Variants in ANKS1A observed in about 807,000 individuals in gnomAD.
ANKS1A encodes ankyrin repeat and sterile alpha motif domain containing 1A.
Under a neutral mutation model 120.3 loss-of-function variants are expected in ANKS1A, and 55 were observed. That is an observed-to-expected ratio of 0.46 (90% CI 0.37 to 0.57). The LOEUF is 0.57. ANKS1A is among the 20% of genes least tolerant of loss of function. The probability of loss-of-function intolerance (pLI) is 0.00; values close to 1 mark genes in which losing one functional copy is unlikely to be tolerated. For synonymous variants in ANKS1A, 590 were observed against 604.7 expected (o/e 0.98, Z 0.36); for missense variants, 1,123 against 1,480.3 (o/e 0.76, Z 3.96).
chr6:35,010,878 T>C (rs1254697001), intron 10 of ANKS1A, among the ~76,000 whole-genome samples: 1 of 152,184 alleles, frequency 6.6e-6, no homozygotes, highest in Non-Finnish European at 1.5e-5. Flanking sequence ...GCAGGTGCTG[T>C]GGGTAAAGAT....
In ANKS1A at chr6:34,943,312, ACTT is replaced by A. The variant is rs540455183; in HGVS notation, c.198-23921_198-23919del. ...CAAAAAGTACAGAGAGTTCCCATATACTTCTTCTCTCTCCCACTCACACAGTTT... is the reference window on the plus strand; with the variant it reads ...CAAAAAGTACAGAGAGTTCCCATATACTTCTCTCTCCCACTCACACAGTTT... On this transcript the variant is annotated intron_variant, in intron 1 of 23. Transcript: ENST00000360359. Among the ~76,000 whole-genome samples, 55 of 152,152 alleles carry A rather than the reference ACTT, an allele frequency of 3.6e-4. 1 individual carries two copies. Among genetic ancestry groups the A allele is most frequent in the African/African-American group, 1.2e-3 (50 of 41,500 alleles).
chr6:34,981,752 G>A lies in ANKS1A; in HGVS notation c.498G>A (p.Lys166=). The A allele has an allele frequency of 2.5e-6, 4 of 1,614,156 alleles. No homozygotes were observed. Among genetic ancestry groups the A allele is most frequent in the Non-Finnish European group, 3.4e-6 (4 of 1,180,040 alleles). The part of the protein sequence containing the change: ...AAQYGHTEVV[K]VLLEELTDPT... ...AGTATGGCCACACAGAGGTGGTGAA[G>A]GTGCTCTTAGAGGAGCTGACGGACC... is the stretch of plus-strand genomic sequence containing the variant. The change falls in exon 4 of 24, where the codon AAG becomes AAA. Residue 166 remains lysine (K), a synonymous_variant. Transcript: ENST00000360359.
At chr6:35,013,574 C>T (rs1375610769) in intron 10 of ANKS1A, among the ~76,000 whole-genome samples, 4 of 152,174 alleles carry the variant, frequency 2.6e-5, no homozygotes, top group East Asian at 1.9e-4. Context: ...GGATTACAGG[C>T]GTGAGCCACC....
At chr6:34,985,044 C>G in intron 7 of ANKS1A, 38 bp from the exon 8 acceptor site, 1 of 1,581,642 alleles carries the variant, frequency 6.3e-7, no homozygotes, top group African/African-American at 1.3e-5. Flanking sequence ...GATTCTGCTC[C>G]CCTTCAGTGA....
At chr6:35,080,653 CT>C (rs1185784392) in intron 16 of ANKS1A, among the ~76,000 whole-genome samples, 13 of 152,248 alleles carry the variant, frequency 8.5e-5, no homozygotes, top group Admixed American at 8.5e-4. Context: ...GGATTGTATT[CT>C]GTTGGGGACG....
At chr6:34,997,605 C>T (rs1047714341) in intron 10 of ANKS1A, among the ~76,000 whole-genome samples, 1 of 152,166 alleles carries the variant, frequency 6.6e-6, no homozygotes, top group East Asian at 1.9e-4. Context: ...CCTTAAAAAA[C>T]AAGCAATTAA....
At chr6:34,893,109 T>C (rs1766903977) in intron 1 of ANKS1A, among the ~76,000 whole-genome samples, 1 of 152,214 alleles carries the variant, frequency 6.6e-6, no homozygotes, top group African/African-American at 2.4e-5. Context: ...ACCACTTTGA[T>C]ACTCAATTTC....
At chr6:35,092,992 CT>C (rs1179510241), downstream of ANKS1A, among the ~76,000 whole-genome samples, 1 of 152,048 alleles carries the variant, frequency 6.6e-6, no homozygotes, top group East Asian at 1.9e-4. Flanking sequence ...ATGGCCACCC[CT>C]GACTTCCTGA....
At chr6:35,069,149 C>T (rs1435154363) in intron 13 of ANKS1A, among the ~76,000 whole-genome samples, 1 of 152,196 alleles carries the variant, frequency 6.6e-6, no homozygotes, top group East Asian at 1.9e-4. Context: ...TCGGTAAGCC[C>T]TGGGCCCTCT....
chr6:35,076,712 T>G (rs1318148097), intron 13 of ANKS1A, among the ~76,000 whole-genome samples: 2 of 152,190 alleles, frequency 1.3e-5, no homozygotes, highest in African/African-American at 4.8e-5. Flanking sequence ...CACTGTAACC[T>G]CTGCCTCCCA....
At chr6:35,018,153 C>G in intron 11 of ANKS1A, 94 bp downstream of exon 11, 2 of 1,305,904 alleles carry the variant, frequency 1.5e-6, no homozygotes, top group Non-Finnish European at 2.1e-6. Flanking sequence ...GGCCCAGGAT[C>G]TGGGCAAGGT....
chr6:34,956,364 T>G (rs532055755), intron 1 of ANKS1A, among the ~76,000 whole-genome samples: 9 of 152,192 alleles, frequency 5.9e-5, no homozygotes, highest in South Asian at 4.1e-4. Flanking sequence ...TGGGTTTTTT[T>G]TGTGTGTGCT....
At chr6:34,921,661 A>C (rs777959456) in intron 1 of ANKS1A, among the ~76,000 whole-genome samples, 1 of 152,114 alleles carries the variant, frequency 6.6e-6, no homozygotes, top group Non-Finnish European at 1.5e-5. Flanking sequence ...CTCTCACCCA[A>C]GCTGAGGGGC....
intron 13 of ANKS1A, among the ~76,000 whole-genome samples, chr6:35,078,058 C>T (rs820099): frequency 0.81 from 123,051 of 152,088 alleles, 50,593 homozygotes; most frequent in South Asian, 0.92. Flanking sequence ...GGGACAAGGA[C>T]GCCCTTTTCT....
chr6:34,969,308 C>T (rs759488512), intron 2 of ANKS1A, among the ~76,000 whole-genome samples: 4 of 152,156 alleles, frequency 2.6e-5, no homozygotes, highest in Non-Finnish European at 4.4e-5. Context: ...GGCTGGAGTG[C>T]GATGGCGTAA....
rs560523854 is a variant in ANKS1A, at chr6:35,021,175, C to G, written c.2010+3116C>G. Among the ~76,000 whole-genome samples, 3 of 152,054 alleles carry G rather than the reference C, an allele frequency of 2.0e-5. No homozygotes were observed. In the East Asian group the frequency reaches 5.9e-4, roughly 30 times the overall value. Reference sequence around the variant, plus strand: ...GGCATTAGTTAATGGCTGCTCCCCACCCTATCCCTGACCAGTGCCTGTAGC... The same window carrying G: ...GGCATTAGTTAATGGCTGCTCCCCAGCCTATCCCTGACCAGTGCCTGTAGC... On this transcript the variant is annotated intron_variant, in intron 11 of 23. Coordinates refer to ENST00000360359, the MANE Select transcript of ANKS1A (RefSeq NM_015245.3).
chr6:35,040,006 C>G (rs1181697990), intron 11 of ANKS1A, among the ~76,000 whole-genome samples: 1 of 152,172 alleles, frequency 6.6e-6, no homozygotes, highest in East Asian at 1.9e-4. Context: ...TCTATATAAA[C>G]CCTACCCTCA....
intron 11 of ANKS1A, among the ~76,000 whole-genome samples, chr6:35,038,977 ATAT>A (rs1255684687): frequency 6.6e-6 from 1 of 152,040 alleles, no homozygotes; most frequent in Non-Finnish European, 1.5e-5. Context: ...CCATGGTAAT[ATAT>A]TATTTAACTC....
At chr6:35,064,514 G>A (rs1218316725) in intron 13 of ANKS1A, among the ~76,000 whole-genome samples, 1 of 152,162 alleles carries the variant, frequency 6.6e-6, no homozygotes, top group African/African-American at 2.4e-5. Context: ...GGCATAAGCT[G>A]GGGCCAAGAG....
Sources: gnomAD v4.1 joint callset for allele counts (sites outside exome capture counted in the v4.1 genomes callset) on GRCh38, gnomAD v4.1.1 for gene constraint, MANE v1.5 for transcripts, NCBI Gene and HGNC (gene_info 2026-07-23, HGNC 2026-07-21) for gene names.